The following CCR3 variants were observed in gnomAD, a reference collection of about 807,000 sequenced individuals.
The protein encoded by CCR3 is C-C motif chemokine receptor 3, also known as C-C chemokine receptor type 3.
For synonymous variants in CCR3, 203 were observed against 179.2 expected (o/e 1.13, Z -1.06); for missense variants, 419 against 437.5 (o/e 0.96, Z 0.38).
At chr3:46,213,315 T>C (rs1055854346) in intron 2 of CCR3, among the ~76,000 whole-genome samples, 4 of 152,214 alleles carry the variant, frequency 2.6e-5, no homozygotes, top group African/African-American at 9.7e-5. Context: ...ATCAGCTAGA[T>C]AGACATGACA....
chr3:46,248,602 T>G (rs571465226), intron 1 of CCR3, among the ~76,000 whole-genome samples: 1 of 152,204 alleles, frequency 6.6e-6, no homozygotes, highest in South Asian at 2.1e-4. Context: ...TTTATGAGAA[T>G]TATGCCGAGA....
chr3:46,220,039 C>A (rs972293564), intron 2 of CCR3, among the ~76,000 whole-genome samples: 4 of 152,212 alleles, frequency 2.6e-5, no homozygotes, highest in Non-Finnish European at 5.9e-5. Flanking sequence ...TAATAATCAG[C>A]AGAGTAAACA....
chr3:46,241,744 G>C (rs554913311), upstream of CCR3, among the ~76,000 whole-genome samples: 1 of 152,222 alleles, frequency 6.6e-6, no homozygotes, highest in African/African-American at 2.4e-5. Flanking sequence ...AACCTTTGCA[G>C]CCACATTTTG....
intron 2 of CCR3, among the ~76,000 whole-genome samples, chr3:46,224,836 A>T (rs1033853437): frequency 6.6e-6 from 1 of 152,066 alleles, no homozygotes; most frequent in African/African-American, 2.4e-5. Context: ...GAACTCTCAC[A>T]CCATGCTGGT....
intron 1 of CCR3, among the ~76,000 whole-genome samples, chr3:46,257,069 A>C (rs1321607518): frequency 2.0e-5 from 3 of 152,328 alleles, no homozygotes; most frequent in African/African-American, 7.2e-5. Context: ...ATGTCTTTAC[A>C]CAGTTTATAA....
chr3:46,217,736 A>T (rs984341286), intron 2 of CCR3, among the ~76,000 whole-genome samples: 3 of 152,122 alleles, frequency 2.0e-5, no homozygotes, highest in African/African-American at 7.2e-5. Flanking sequence ...CTATAAAATC[A>T]AGAGGGAAAT....
At chr3:46,230,050 C>A (rs1005352285) in intron 2 of CCR3, among the ~76,000 whole-genome samples, 1 of 151,874 alleles carries the variant, frequency 6.6e-6, no homozygotes, top group Non-Finnish European at 1.5e-5. Flanking sequence ...GCTCTGTGGG[C>A]AAAACCACTC....
At chr3:46,239,285 T>A (rs1014567761), upstream of CCR3, among the ~76,000 whole-genome samples, 3 of 152,240 alleles carry the variant, frequency 2.0e-5, no homozygotes, top group Non-Finnish European at 4.4e-5. Flanking sequence ...GTAGCTTCTT[T>A]ACAGAAATCT....
At chr3:46,255,613 T>A (rs1700406659) in intron 1 of CCR3, among the ~76,000 whole-genome samples, 1 of 152,192 alleles carries the variant, frequency 6.6e-6, no homozygotes, top group Admixed American at 6.5e-5. Context: ...CTTCTACACA[T>A]GGCTAGCCAA....
intron 1 of CCR3, 165 bp from the exon 2 acceptor site, chr3:46,264,982 CT>C: frequency 1.7e-6 from 1 of 594,128 alleles, no homozygotes. Context: ...TTCCTCAATC[CT>C]TTTCCTGGCA....
intron 2 of CCR3, among the ~76,000 whole-genome samples, chr3:46,234,031 T>C (rs1359807591): frequency 6.6e-6 from 1 of 152,186 alleles, no homozygotes; most frequent in African/African-American, 2.4e-5. Flanking sequence ...GGTAAGACAA[T>C]GGACAGGGGG....
chr3:46,241,224 T>A (rs545475484), upstream of CCR3, among the ~76,000 whole-genome samples: 213 of 152,176 alleles, frequency 1.4e-3, 1 homozygote, highest in African/African-American at 4.8e-3. Context: ...CTTTTGTTCC[T>A]ATGTTTTCTT....
chr3:46,210,856 G>C (rs1270114419), exon 2 of CCR3: 1 of 152,248 alleles, frequency 6.6e-6, no homozygotes, highest in Non-Finnish European at 1.5e-5. Flanking sequence ...CACATCTAAA[G>C]CCTGAGCAAG....
intron 2 of CCR3, among the ~76,000 whole-genome samples, chr3:46,235,552 A>C (rs913255779): frequency 3.9e-5 from 6 of 152,242 alleles, no homozygotes; most frequent in Admixed American, 6.5e-5. Context: ...CTAAGCAGAA[A>C]GAGATATCTT....
chr3:46,246,760 C>A (rs951740394), intron 1 of CCR3, among the ~76,000 whole-genome samples: 4 of 151,986 alleles, frequency 2.6e-5, no homozygotes, highest in Non-Finnish European at 5.9e-5. Flanking sequence ...AAAAATAAAA[C>A]AAAATAGTGT....
chr3:46,213,782 C>A lies in CCR3; in HGVS notation c.-68+2875C>A, dbSNP rs185018724. On this transcript the variant is annotated intron_variant, in intron 2 of 3. Coordinates refer to the CCR3 transcript ENST00000357422. ...CTACTCACTGCCTCTAGCACCTCAA[C>A]TCCAACAGTTCTTTAACCCCAGTGG... is the stretch of plus-strand genomic sequence containing the variant. Among the ~76,000 whole-genome samples, 117 of 152,350 alleles carry A rather than the reference C, an allele frequency of 7.7e-4. 1 individual carries two copies. The highest frequency in any genetic ancestry group is 1.2e-4 in the Non-Finnish European group (8 of 68,038).
At chr3:46,229,043 A>T (rs1699933506) in intron 2 of CCR3, among the ~76,000 whole-genome samples, 1 of 152,112 alleles carries the variant, frequency 6.6e-6, no homozygotes, top group South Asian at 2.1e-4. Context: ...GAGAGCTTTG[A>T]TAGCTTGTGG....
rs115301750 is a variant in CCR3, at chr3:46,262,233, A to G, written c.-11-2915A>G. Among the ~76,000 whole-genome samples the G allele has an allele frequency of 7.2e-3, 1,091 of 152,360 alleles. 8 individuals are homozygous for G. Among genetic ancestry groups the G allele is most frequent in the Middle Eastern group, 0.041 (12 of 294 alleles). ...AGAGAAGTTTAAACCACTTTGGACT[A>G]AAATGTGTGAATCCTTTTTCCTGCT... On this transcript the variant is annotated intron_variant, in intron 1 of 1. Coordinates refer to ENST00000395940, the MANE Select transcript of CCR3 (RefSeq NM_178329.3).
chr3:46,236,836 C>T (rs1700029845), intron 2 of CCR3, among the ~76,000 whole-genome samples: 1 of 152,178 alleles, frequency 6.6e-6, no homozygotes, highest in Admixed American at 6.5e-5. Flanking sequence ...GAAGATTCTT[C>T]AGCAGAGGAG....
Sources: gnomAD v4.1 joint callset for allele counts (sites outside exome capture counted in the v4.1 genomes callset) on GRCh38, gnomAD v4.1.1 for gene constraint, MANE v1.5 for transcripts, NCBI Gene and HGNC (gene_info 2026-07-23, HGNC 2026-07-21) for gene names.